MAPK10: variants seen among roughly 807,000 people sequenced by gnomAD.
The protein encoded by MAPK10 is mitogen-activated protein kinase 10, also known as JNK3 alpha protein kinase.
A neutral mutation model predicts 59.3 loss-of-function variants in MAPK10; 25 were observed. The ratio of observed to expected loss-of-function variants is 0.42; its 90% CI spans 0.31 to 0.59. MAPK10 has a LOEUF of 0.59. Among genes scored for constraint, MAPK10 ranks in the 20% least tolerant of loss-of-function variants. The pLI is 0.15. For synonymous variants in MAPK10, 190 were observed against 200.5 expected (o/e 0.95, Z 0.44); for missense variants, 351 against 568.9 (o/e 0.62, Z 3.90).
chr4:86,347,919 C>T (rs115746017), intron 2 of MAPK10, among the ~76,000 whole-genome samples: 213 of 152,220 alleles, frequency 1.4e-3, no homozygotes, highest in African/African-American at 4.6e-3. Context: ...CTACTTATAT[C>T]GGTTTTACCA....
chr4:86,421,005 C>A (rs1219186872), intron 1 of MAPK10, among the ~76,000 whole-genome samples: 3 of 151,892 alleles, frequency 2.0e-5, no homozygotes, highest in African/African-American at 7.3e-5. Context: ...TCGCTTGAAC[C>A]CGGGAGGCAG....
At chr4:86,528,515 A>G (rs1757640022) in intron 1 of MAPK10, among the ~76,000 whole-genome samples, 1 of 152,218 alleles carries the variant, frequency 6.6e-6, no homozygotes, top group South Asian at 2.1e-4. Flanking sequence ...TCAACTCATT[A>G]TGAACATACA....
rs188128051 is a variant in MAPK10 at position 86,146,845 on chromosome 4, A to C, written c.236+12453T>G. Among the ~76,000 whole-genome samples, 697 of 152,290 alleles carry C rather than the reference A, an allele frequency of 4.6e-3. 8 individuals carry two copies. Among genetic ancestry groups the C allele is most frequent in the African/African-American group, 0.016 (660 of 41,556 alleles). ...CTAACCAATGTATATGAACTGAAGGATGTGAAGAAACTAGCCCAAGAAAAG... is the reference window on the plus strand; with the variant it reads ...CTAACCAATGTATATGAACTGAAGGCTGTGAAGAAACTAGCCCAAGAAAAG... On this transcript the variant is annotated intron_variant, in intron 4 of 13. Coordinates refer to ENST00000641462, the MANE Select transcript of MAPK10 (RefSeq NM_138982.4).
At chr4:86,267,940 G>A (rs1360082258) in intron 2 of MAPK10, among the ~76,000 whole-genome samples, 1 of 152,208 alleles carries the variant, frequency 6.6e-6, no homozygotes, top group African/African-American at 2.4e-5. Context: ...CTATTACAAT[G>A]TAAATTATTT....
chr4:86,194,408 C>G lies in MAPK10; in HGVS notation c.-6-1G>C, dbSNP rs1179933625. 3.2e-6 allele frequency: 5 copies of G among 1,555,104 alleles called. No homozygotes were observed. Among genetic ancestry groups the G allele is most frequent in the Non-Finnish European group, 4.4e-6 (5 of 1,127,460 alleles). On this transcript the variant is annotated splice_acceptor_variant, in intron 2 of 13. Coordinates refer to ENST00000641462, the MANE Select transcript of MAPK10 (RefSeq NM_138982.4). LOFTEE classifies it low-confidence loss of function (5UTR_SPLICE). ...ATAAGAAATGGAGGCTCATAAATAC[C>G]TAGAGGAAAAAGAAATGGAGCATAA... is the stretch of plus-strand genomic sequence containing the variant.
At chr4:86,191,690 C>T (rs1193971759) in intron 3 of MAPK10, 5 of 149,624 alleles carry the variant, frequency 3.3e-5, no homozygotes, top group East Asian at 4.0e-4. Context: ...AGCACACCGA[C>T]GGGTCTTGAC....
chr4:86,017,319 T>A lies in MAPK10; in HGVS notation c.1304A>T (p.Asp435Val). 3 of 1,614,140 alleles carry A rather than the reference T, an allele frequency of 1.9e-6. No individual in the cohort carries two copies. The highest frequency in any genetic ancestry group is 2.2e-5 in the South Asian group (2 of 91,086). The change falls in exon 14 of 14, where the codon GAC (aspartate) becomes GTC (valine). Residue 435 changes from aspartate to valine, a missense_variant. Asp to Val is a radical substitution (Grantham distance 152, BLOSUM62 -3). Around this residue, in one of 5 missense-constraint regions of MAPK10, gnomAD observed 155 missense variants for 204.2 expected, o/e 0.76. Transcript: ENST00000641462. This position sits in a 1 kb window ranked among gnomAD's most constrained non-coding sequence, Gnocchi z 4.4. ...CTGGTCGGTGGACATGGAGGAGATG[T>A]CATTGACAGACGAGGATGGAGGGAG... is the stretch of plus-strand genomic sequence containing the variant. ...ESLPPSSSVN[D>V]ISSMSTDQTL... is the part of the protein sequence containing the mutation.
chr4:86,169,405 T>A (rs748519768), intron 3 of MAPK10, among the ~76,000 whole-genome samples: 4 of 152,192 alleles, frequency 2.6e-5, no homozygotes, highest in Non-Finnish European at 5.9e-5. Flanking sequence ...GCTCCAGAAC[T>A]ACGTGAAGAA....
chr4:86,404,566 C>T (rs1038980606), intron 1 of MAPK10, among the ~76,000 whole-genome samples: 3 of 152,116 alleles, frequency 2.0e-5, no homozygotes, highest in African/African-American at 7.2e-5. Context: ...CTGTTTATAA[C>T]CCTTATTGTG....
rs552352699 is a variant in MAPK10 at position 86,589,130 on chromosome 4, T to C, written c.-263+4780A>G. On this transcript the variant is annotated intron_variant, in intron 1 of 4. Coordinates refer to the MAPK10 transcript ENST00000502302. The stretch of plus-strand genomic sequence containing the variant: ...AAGCCATAAAAATTTTAAAAGAAAA[T>C]ATGGGAGAATATTTTTGGTAACAGA... Among the ~76,000 whole-genome samples the C allele has an allele frequency of 1.7e-4, 26 of 151,460 alleles. No individual in the cohort carries two copies. In the East Asian group the frequency reaches 4.3e-3, roughly 25 times the overall value.
chr4:86,542,372 T>A (rs1445765001), intron 1 of MAPK10: 1 of 152,170 alleles, frequency 6.6e-6, no homozygotes, highest in Non-Finnish European at 1.5e-5. Context: ...AATAAGTCTT[T>A]CAACCTCCTT....
chr4:86,246,974 A>G (rs2093135323), intron 2 of MAPK10, among the ~76,000 whole-genome samples: 2 of 152,252 alleles, frequency 1.3e-5, no homozygotes. Flanking sequence ...AGTTGGACCA[A>G]TCAGACTAAA....
At chr4:86,281,506 A>AAAAAT (rs141438558) in intron 2 of MAPK10, among the ~76,000 whole-genome samples, 24,053 of 148,502 alleles carry the variant, frequency 0.16, 2,495 homozygotes, top group African/African-American at 0.28. Flanking sequence ...CCTCAAAATA[A>AAAAAT]AAAATAAAAT....
intron 2 of MAPK10, among the ~76,000 whole-genome samples, chr4:86,306,260 G>A (rs6832461): frequency 0.26 from 39,901 of 152,066 alleles, 5,498 homozygotes; most frequent in South Asian, 0.43. Context: ...TTATATTTTT[G>A]CAAATCTATT....
In MAPK10 at chr4:86,237,690, T is replaced by G. The variant is rs190809979; in HGVS notation, c.-6-43283A>C. Among the ~76,000 whole-genome samples, 205 of 152,238 alleles carry G rather than the reference T, an allele frequency of 1.3e-3. 2 individuals are homozygous for G. Among genetic ancestry groups the G allele is most frequent in the Admixed American group, 0.013 (200 of 15,288 alleles). ...TATCTGTTCATATCTTTTGCCCACT[T>G]TTTGATGGTTTTTTTATTGTAAATG... On this transcript the variant is annotated intron_variant, in intron 2 of 13. Coordinates refer to ENST00000641462, the MANE Select transcript of MAPK10 (RefSeq NM_138982.4).
intron 13 of MAPK10, chr4:86,024,843 A>G (rs1049161960): frequency 2.0e-5 from 3 of 152,354 alleles, no homozygotes; most frequent in African/African-American, 7.2e-5. Context: ...TAGTTTATCA[A>G]TGTTGAATGC....
At chr4:86,455,343 T>C (rs1490627374), upstream of MAPK10, among the ~76,000 whole-genome samples, 1 of 152,096 alleles carries the variant, frequency 6.6e-6, no homozygotes, top group Admixed American at 6.6e-5. Flanking sequence ...GACACGGAAT[T>C]GCAGAATGGA....
chr4:86,424,660 GC>G (rs1747035594), intron 1 of MAPK10, among the ~76,000 whole-genome samples: 2 of 152,100 alleles, frequency 1.3e-5, no homozygotes, highest in Admixed American at 6.6e-5. Flanking sequence ...TCCTTCACAA[GC>G]CCACCCTCCC....
At chr4:86,315,674 T>C (rs530698264) in intron 2 of MAPK10, among the ~76,000 whole-genome samples, 92 of 152,252 alleles carry the variant, frequency 6.0e-4, no homozygotes, top group Non-Finnish European at 1.2e-3. Context: ...TATAGTACCA[T>C]AATAGTTTTT....
Sources: allele counts gnomAD v4.1 joint callset (sites outside exome capture counted in the v4.1 genomes callset), GRCh38; gene constraint gnomAD v4.1.1; regional missense constraint gnomAD v4.1.1; non-coding constraint Gnocchi (gnomAD v3.1); transcripts MANE v1.5; gene names NCBI Gene and HGNC (gene_info 2026-07-23, HGNC 2026-07-21).